The following DLGAP2 variants were observed in gnomAD, a reference collection of about 807,000 sequenced individuals.
The protein encoded by DLGAP2 is disks large-associated protein 2.
In DLGAP2, 26 loss-of-function variants were observed where a neutral mutation model predicts 100.3. That is an observed-to-expected ratio of 0.26 (90% CI 0.19 to 0.36). The LOEUF (loss-of-function observed/expected upper bound fraction) is 0.36, where lower values mean the gene tolerates loss of function less well. DLGAP2 is among the 10% of genes least tolerant of loss of function. DLGAP2 has a pLI of 1.00. For missense variants in DLGAP2, 1,858 were observed against 1,453.2 expected, an observed-to-expected ratio of 1.28 and a Z score of -4.53; for synonymous variants, 886 against 630.1, an observed-to-expected ratio of 1.41 and a Z score of -6.08.
intron 2 of DLGAP2, among the ~76,000 whole-genome samples, chr8:1,098,589 C>T (rs1204674097): frequency 6.8e-6 from 1 of 147,730 alleles, no homozygotes; most frequent in Admixed American, 6.7e-5. Context: ...CCGCGACCCA[C>T]ACCAGGCTCC....
intron 3 of DLGAP2, among the ~76,000 whole-genome samples, chr8:1,409,434 C>A (rs1188087839): frequency 6.6e-6 from 1 of 152,242 alleles, no homozygotes; most frequent in South Asian, 2.1e-4. Context: ...CAGCTGAGAA[C>A]CAACCGGAAG....
chr8:917,839 A>G (rs962700539), intron 2 of DLGAP2, among the ~76,000 whole-genome samples: 1 of 152,134 alleles, frequency 6.6e-6, no homozygotes, highest in African/African-American at 2.4e-5. Flanking sequence ...TCGGCCTCCT[A>G]GAGTGCTGGG....
chr8:1,441,503 C>G (rs953381058), intron 3 of DLGAP2, among the ~76,000 whole-genome samples: 48 of 151,880 alleles, frequency 3.2e-4, no homozygotes, highest in Non-Finnish European at 5.4e-4. Context: ...TCCTGGCAAA[C>G]ATGGTGAAAC....
chr8:892,994 G>C (rs180888182), intron 1 of DLGAP2: 14 of 150,080 alleles, frequency 9.3e-5, no homozygotes, highest in African/African-American at 2.9e-4. Context: ...AACAATGGTT[G>C]GTTCCAGGAT....
At chr8:922,685 C>T (rs968974017) in intron 2 of DLGAP2, among the ~76,000 whole-genome samples, 1 of 152,158 alleles carries the variant, frequency 6.6e-6, no homozygotes, top group African/African-American at 2.4e-5. Context: ...TAATACCCTC[C>T]CTTTAAACAG....
At chr8:1,147,013 A>G (rs893878533) in intron 2 of DLGAP2, among the ~76,000 whole-genome samples, 2 of 152,014 alleles carry the variant, frequency 1.3e-5, no homozygotes, top group Admixed American at 6.6e-5. Context: ...TCTGCCTCTC[A>G]GTTTTTAAAG....
intron 2 of DLGAP2, among the ~76,000 whole-genome samples, chr8:963,221 T>A (rs1799768651): frequency 6.6e-6 from 1 of 151,416 alleles, no homozygotes. Flanking sequence ...CAGAGGTGGA[T>A]GTAGCTTCGC....
At position 839,973 on chromosome 8, in the gene DLGAP2, T is replaced by C. The variant is rs186030584; in HGVS notation, c.19-67939T>C. Among the ~76,000 whole-genome samples, 583 of 105,052 alleles carry C rather than the reference T, an allele frequency of 5.5e-3. 5 individuals are homozygous for C. The highest frequency in any genetic ancestry group is 7.1e-3 in the South Asian group (16 of 2,258). The allele number at this position is 105,052 out of a possible 152,430, so 68.9% of individuals were successfully genotyped here. ...ATGTCTCCGTACACTCTGGATTGTG[T>C]GAGCGCGTCCACACGGTGCACGCCT... is the stretch of plus-strand genomic sequence containing the variant. On this transcript the variant is annotated intron_variant, in intron 1 of 14. Coordinates refer to ENST00000637795, the MANE Select transcript of DLGAP2 (RefSeq NM_001346810.2).
intron 3 of DLGAP2, among the ~76,000 whole-genome samples, chr8:1,275,903 T>TAA (rs1799679914): frequency 8.6e-6 from 1 of 116,210 alleles, no homozygotes; most frequent in African/African-American, 3.5e-5. Flanking sequence ...TATATAAATA[T>TAA]ATATAATATA....
At chr8:1,045,463 A>G (rs1011844477) in intron 2 of DLGAP2, among the ~76,000 whole-genome samples, 1 of 152,244 alleles carries the variant, frequency 6.6e-6, no homozygotes, top group Non-Finnish European at 1.5e-5. Flanking sequence ...GAGCTAATTA[A>G]CGTATGCATT....
At chr8:1,440,903 T>G (rs1406556016) in intron 3 of DLGAP2, among the ~76,000 whole-genome samples, 1 of 152,224 alleles carries the variant, frequency 6.6e-6, no homozygotes, top group Non-Finnish European at 1.5e-5. Flanking sequence ...ATGCCAAGTT[T>G]GGAGGACTGT....
At chr8:984,742 A>G (rs1800439021) in intron 2 of DLGAP2, among the ~76,000 whole-genome samples, 5 of 152,214 alleles carry the variant, frequency 3.3e-5, no homozygotes. Context: ...ATCTGTTTTT[A>G]CATTTTTAAT....
intron 2 of DLGAP2, among the ~76,000 whole-genome samples, chr8:1,214,088 T>C (rs1798163081): frequency 6.6e-6 from 1 of 152,180 alleles, no homozygotes; most frequent in African/African-American, 2.4e-5. Flanking sequence ...CTCCCAGGCC[T>C]GGAACCCTCC....
chr8:1,217,025 C>T (rs1229490916), intron 2 of DLGAP2, among the ~76,000 whole-genome samples: 1 of 152,076 alleles, frequency 6.6e-6, no homozygotes, highest in Non-Finnish European at 1.5e-5. Flanking sequence ...AATTGCCTAG[C>T]TGGGGTTTGG....
chr8:1,316,029 G>A lies in DLGAP2; in HGVS notation c.106+57146G>A, dbSNP rs950979070. ...GTCTCTCCAACAGTGGTCTACACTC[G>A]AGACACTTGGCAGCTTTTAAAAATA... On this transcript the variant is annotated intron_variant, in intron 3 of 14. Coordinates refer to ENST00000637795, the MANE Select transcript of DLGAP2 (RefSeq NM_001346810.2). 1.5e-4 allele frequency among the ~76,000 whole-genome samples: 20 copies of A among 133,250 alleles called. 1 individual carries two copies. The highest frequency in any genetic ancestry group is 1.2e-3 in the Admixed American group (15 of 12,392). 87.4% of individuals were successfully genotyped at this position (133,250 alleles called of 152,430 possible).
In DLGAP2 at chr8:1,190,672, C is replaced by G. The variant is rs1033946571; in HGVS notation, c.74-68179C>G. ...GTTGGCTGGGAGGCTTATCCTCATC[C>G]TCCCAACCCCGTGTCTTACGTAGAG... is the stretch of plus-strand genomic sequence containing the variant. On this transcript the variant is annotated intron_variant, in intron 2 of 14. Transcript: ENST00000637795. 2.6e-5 allele frequency among the ~76,000 whole-genome samples: 4 copies of G among 152,294 alleles called. No homozygotes were observed. The South Asian group carries it at 8.3e-4, about 32-fold the overall frequency.
Position 1,704,652 on chromosome 8 carries a change from G to A in DLGAP2, c.*3246G>A, listed in dbSNP as rs1041533252. On this transcript the variant is annotated 3_prime_UTR_variant, in exon 15 of 15. Coordinates refer to ENST00000637795, the MANE Select transcript of DLGAP2 (RefSeq NM_001346810.2). ...ATGATACCAAAAAAATTACAGTTTTGTTTAAAAGGAAATGTTGATGTTTTC... is the reference window on the plus strand; with the variant it reads ...ATGATACCAAAAAAATTACAGTTTTATTTAAAAGGAAATGTTGATGTTTTC... The A allele has an allele frequency of 6.6e-6, 1 of 151,960 alleles. No individual in the cohort carries two copies. Among genetic ancestry groups the A allele is most frequent in the Admixed American group, 6.6e-5 (1 of 15,246 alleles). The allele number at this position is 151,960 out of a possible 1,614,324, so 9.4% of individuals were successfully genotyped here.
intron 1 of DLGAP2, among the ~76,000 whole-genome samples, chr8:858,184 A>G (rs562267596): frequency 7.2e-5 from 11 of 152,234 alleles, no homozygotes; most frequent in Non-Finnish European, 1.5e-4. Flanking sequence ...CAGCTTGGAA[A>G]CAACCAACGT....
chr8:861,376 C>T (rs906383350), intron 1 of DLGAP2, among the ~76,000 whole-genome samples: 13 of 152,140 alleles, frequency 8.5e-5, no homozygotes, highest in Non-Finnish European at 1.8e-4. Context: ...CCTCCTCACA[C>T]ATACCGGGGA....
Sources: allele counts gnomAD v4.1 joint callset (sites outside exome capture counted in the v4.1 genomes callset), GRCh38; gene constraint gnomAD v4.1.1; transcripts MANE v1.5; gene names NCBI Gene and HGNC (gene_info 2026-07-23, HGNC 2026-07-21).